DSCAML1: variants seen among roughly 807,000 people sequenced by gnomAD.
The protein encoded by DSCAML1 is DS cell adhesion molecule like 1.
A neutral mutation model predicts 200.5 loss-of-function variants in DSCAML1; 38 were observed. The ratio of observed to expected loss-of-function variants is 0.19; its 90% CI spans 0.15 to 0.25. The LOEUF is 0.25. Among genes scored for constraint, DSCAML1 ranks in the 10% least tolerant of loss-of-function variants. The probability of loss-of-function intolerance (pLI) is 1.00; values close to 1 mark genes in which losing one functional copy is unlikely to be tolerated. For synonymous variants in DSCAML1, 1,215 were observed against 1,165.0 expected (o/e 1.04, Z -0.87); for missense variants, 2,223 against 2,858.8 (o/e 0.78, Z 5.07).
chr11:117,678,402 G>A (rs1057416526), intron 3 of DSCAML1, among the ~76,000 whole-genome samples: 2 of 152,244 alleles, frequency 1.3e-5, no homozygotes, highest in African/African-American at 4.8e-5. Flanking sequence ...TTTAGGACAT[G>A]AGGATATGGC....
chr11:117,576,403 A>G (rs977635404), intron 3 of DSCAML1, among the ~76,000 whole-genome samples: 1 of 152,078 alleles, frequency 6.6e-6, no homozygotes, highest in Non-Finnish European at 1.5e-5. Flanking sequence ...TCCCCATTCC[A>G]TGGAGCACAA....
intron 3 of DSCAML1, among the ~76,000 whole-genome samples, chr11:117,578,294 C>G (rs1440494073): frequency 6.6e-6 from 1 of 151,124 alleles, no homozygotes; most frequent in African/African-American, 2.4e-5. Flanking sequence ...TCCATGACAC[C>G]AGTCTATCCC....
At chr11:117,681,942 C>G (rs1227787348) in intron 3 of DSCAML1, among the ~76,000 whole-genome samples, 2 of 152,160 alleles carry the variant, frequency 1.3e-5, no homozygotes, top group African/African-American at 4.8e-5. Flanking sequence ...CTCTCCACAT[C>G]CCCGCTTGGG....
chr11:117,630,642 T>G (rs1395245989), intron 3 of DSCAML1, among the ~76,000 whole-genome samples: 1 of 102,832 alleles, frequency 9.7e-6, no homozygotes, highest in African/African-American at 4.1e-5. Flanking sequence ...ATTTGGAAAC[T>G]GAGGCATAAA....
At position 117,489,534 on chromosome 11, in the gene DSCAML1, C is replaced by T. The variant is rs2049145813; in HGVS notation, c.2360-7372G>A. On this transcript the variant is annotated intron_variant, in intron 11 of 32. Transcript: ENST00000651296. The surrounding 1 kb of genome is among the most constrained non-coding windows in gnomAD (Gnocchi z 4.8). ...GCACAGTGGTGTGGGTGAGCTCCTT[C>T]TCAATACACAGCTCCTTCCTATACA... is the stretch of plus-strand genomic sequence containing the variant. 6.6e-6 allele frequency among the ~76,000 whole-genome samples: 1 copy of T among 152,172 alleles called. No homozygotes were observed. Among genetic ancestry groups the T allele is most frequent in the Non-Finnish European group, 1.5e-5 (1 of 68,012 alleles).
intron 3 of DSCAML1, among the ~76,000 whole-genome samples, chr11:117,704,935 A>G (rs1383918029): frequency 6.6e-6 from 1 of 152,054 alleles, no homozygotes; most frequent in Non-Finnish European, 1.5e-5. Context: ...CCTTGTGCGC[A>G]TTAGGTGGGT....
intron 21 of DSCAML1, among the ~76,000 whole-genome samples, chr11:117,443,247 G>A (rs564098189): frequency 2.2e-3 from 337 of 152,302 alleles, no homozygotes; most frequent in Non-Finnish European, 3.7e-3. Context: ...CTACCTGCGC[G>A]GCTGCTACAG....
chr11:117,783,786 T>C (rs2055303805), intron 1 of DSCAML1, among the ~76,000 whole-genome samples: 1 of 152,090 alleles, frequency 6.6e-6, no homozygotes, highest in Non-Finnish European at 1.5e-5. Flanking sequence ...AACCACAGAA[T>C]ATGGTTTTTC....
At position 117,522,026 on chromosome 11, in the gene DSCAML1, G is replaced by T. The variant is rs537681887; in HGVS notation, c.938-621C>A. ...CAGCATGGCATTTGAGGCCCTCAAG[G>T]CCCTAAGGGCCTGACTGTAGGGGTT... is the stretch of plus-strand genomic sequence containing the variant. On this transcript the variant is annotated intron_variant, in intron 5 of 32. Transcript: ENST00000651296. Among the ~76,000 whole-genome samples, 4 of 152,328 alleles carry T rather than the reference G, an allele frequency of 2.6e-5. No homozygotes were observed. In the East Asian group the frequency reaches 7.7e-4, roughly 29 times the overall value.
Position 117,480,804 on chromosome 11 carries a change from T to G in DSCAML1, c.2657-233A>C, listed in dbSNP as rs951361017. 1.3e-5 allele frequency among the ~76,000 whole-genome samples: 2 copies of G among 152,080 alleles called. No individual in the cohort carries two copies. Among genetic ancestry groups the G allele is most frequent in the Non-Finnish European group, 2.9e-5 (2 of 68,008 alleles). ...TCTTGGCCTGGGAGAGGGCTGACTC[T>G]TCTGCAGGGATTCCTGTTAGCTGAC... On this transcript the variant is annotated intron_variant, in intron 13 of 32. Transcript: ENST00000651296. This position sits in a 1 kb window ranked among gnomAD's most constrained non-coding sequence, Gnocchi z 4.1.
chr11:117,752,202 G>A (rs2054617113), intron 3 of DSCAML1, among the ~76,000 whole-genome samples: 1 of 152,222 alleles, frequency 6.6e-6, no homozygotes, highest in Admixed American at 6.5e-5. Flanking sequence ...AAGCCTCAGG[G>A]AACTGAACTC....
chr11:117,764,886 C>T (rs1236304829), intron 3 of DSCAML1, among the ~76,000 whole-genome samples: 2 of 152,154 alleles, frequency 1.3e-5, no homozygotes, highest in Non-Finnish European at 2.9e-5. Context: ...AGAGAAGCCC[C>T]CAGACTCTCA....
intron 31 of DSCAML1, 67 bp downstream of exon 31, chr11:117,431,464 TAGA>T (rs1403961096): frequency 1.4e-6 from 2 of 1,391,794 alleles, no homozygotes; most frequent in Admixed American, 2.4e-5. Context: ...CTGGGAAGAA[TAGA>T]AGGTGAAGGT....
At chr11:117,545,020 G>A (rs1246986656) in intron 3 of DSCAML1, among the ~76,000 whole-genome samples, 1 of 151,774 alleles carries the variant, frequency 6.6e-6, no homozygotes, top group African/African-American at 2.4e-5. Context: ...TCACGATGTC[G>A]GGAGTTTGAG....
At chr11:117,637,183 T>C (rs1336046095) in intron 3 of DSCAML1, among the ~76,000 whole-genome samples, 1 of 152,098 alleles carries the variant, frequency 6.6e-6, no homozygotes, top group Non-Finnish European at 1.5e-5. Flanking sequence ...TTGAAGGCTA[T>C]TCCCTATGCT....
chr11:117,663,772 A>C (rs1021685192), intron 3 of DSCAML1, among the ~76,000 whole-genome samples: 15 of 152,116 alleles, frequency 9.9e-5, no homozygotes, highest in Non-Finnish European at 1.6e-4. Flanking sequence ...GACTGAGTAC[A>C]GGGGGGCTGG....
At chr11:117,486,307 A>G (rs139752804) in intron 11 of DSCAML1, among the ~76,000 whole-genome samples, 2,044 of 116,728 alleles carry the variant, frequency 0.018, 66 homozygotes, top group African/African-American at 0.052. Context: ...ATGTGAAAGT[A>G]GTGGATGTGA....
chr11:117,564,506 G>A (rs901550198), intron 3 of DSCAML1, among the ~76,000 whole-genome samples: 3 of 152,048 alleles, frequency 2.0e-5, no homozygotes, highest in Non-Finnish European at 2.9e-5. Context: ...TGGCTTCTTT[G>A]CTGCCCCTGA....
intron 22 of DSCAML1, 121 bp from the exon 23 acceptor site, chr11:117,439,550 G>A: frequency 1.5e-6 from 2 of 1,326,402 alleles, no homozygotes; most frequent in Non-Finnish European, 2.1e-6. Flanking sequence ...GGAACGCCGG[G>A]TTCTTGGGGC....
Sources: allele counts gnomAD v4.1 joint callset (sites outside exome capture counted in the v4.1 genomes callset), GRCh38; gene constraint gnomAD v4.1.1; non-coding constraint Gnocchi (gnomAD v3.1); transcripts MANE v1.5; gene names NCBI Gene and HGNC (gene_info 2026-07-23, HGNC 2026-07-21).